SH3RF1: variants seen among roughly 807,000 people sequenced by gnomAD.
SH3RF1 encodes the protein SH3 domain containing ring finger 1, also known as E3 ubiquitin-protein ligase SH3RF1.
A neutral mutation model predicts 74.0 loss-of-function variants in SH3RF1; 32 were observed. That is an observed-to-expected ratio of 0.43 (90% CI 0.33 to 0.58). The LOEUF is 0.58. Among genes scored for constraint, SH3RF1 ranks in the 20% least tolerant of loss-of-function variants. The pLI is 0.05. For missense variants in SH3RF1, 954 were observed against 1,130.9 expected, an observed-to-expected ratio of 0.84 and a Z score of 2.24; for synonymous variants, 396 against 439.6, an observed-to-expected ratio of 0.90 and a Z score of 1.24.
At chr4:169,117,921 T>A in intron 8 of SH3RF1, 139 bp from the exon 9 acceptor site, 1 of 1,153,000 alleles carries the variant, frequency 8.7e-7, no homozygotes, top group Non-Finnish European at 1.2e-6. Flanking sequence ...TTATAAAGTT[T>A]AAGAATAGAA....
intron 4 of SH3RF1, among the ~76,000 whole-genome samples, chr4:169,138,224 T>A (rs146367077): frequency 4.3e-4 from 65 of 152,296 alleles, no homozygotes; most frequent in African/African-American, 1.5e-3. Context: ...AAAGTAATGC[T>A]TTATATTATA....
chr4:169,131,809 G>A (rs912975679), intron 5 of SH3RF1, among the ~76,000 whole-genome samples: 7 of 152,188 alleles, frequency 4.6e-5, no homozygotes, highest in Admixed American at 1.3e-4. Context: ...CCTCTGATTG[G>A]TTGCTGTCCT....
At chr4:169,223,447 G>A (rs1730601380) in intron 2 of SH3RF1, among the ~76,000 whole-genome samples, 2 of 152,150 alleles carry the variant, frequency 1.3e-5, no homozygotes, top group Admixed American at 1.3e-4. Flanking sequence ...GTACACTATG[G>A]ATAGTTAAGA....
At chr4:169,250,510 T>A (rs1340778956) in intron 2 of SH3RF1, among the ~76,000 whole-genome samples, 2 of 152,218 alleles carry the variant, frequency 1.3e-5, no homozygotes, top group African/African-American at 4.8e-5. Context: ...CAACATGAGG[T>A]GTGCTCAGTA....
In SH3RF1 at chr4:169,189,359, T is replaced by C. The variant is rs140617109; in HGVS notation, c.394-32680A>G. On this transcript the variant is annotated intron_variant, in intron 2 of 11. Coordinates refer to ENST00000284637, the MANE Select transcript of SH3RF1 (RefSeq NM_020870.4). ...TTTAAAAAATATCTGGTATTCTATTTTGACCAGTCCCACATGGGGCCAAGA... is the reference window on the plus strand; with the variant it reads ...TTTAAAAAATATCTGGTATTCTATTCTGACCAGTCCCACATGGGGCCAAGA... Among the ~76,000 whole-genome samples the C allele has an allele frequency of 4.3e-4, 66 of 152,386 alleles. 1 individual carries two copies. Among genetic ancestry groups the C allele is most frequent in the Non-Finnish European group, 4.8e-4 (33 of 68,046 alleles).
At chr4:169,102,543 A>C (rs1733057931) in intron 11 of SH3RF1, among the ~76,000 whole-genome samples, 2 of 151,978 alleles carry the variant, frequency 1.3e-5, no homozygotes, top group East Asian at 3.9e-4. Flanking sequence ...TTGGAAGAAA[A>C]ACCTGTCATA....
intron 2 of SH3RF1, among the ~76,000 whole-genome samples, chr4:169,224,449 C>A (rs1440750480): frequency 6.6e-6 from 1 of 152,094 alleles, no homozygotes; most frequent in Non-Finnish European, 1.5e-5. Flanking sequence ...TCCCAAGTAG[C>A]TGGGATTACA....
chr4:169,156,794 T>C (rs1734065070), intron 2 of SH3RF1, 115 bp from the exon 3 acceptor site: 3 of 926,886 alleles, frequency 3.2e-6, no homozygotes, highest in South Asian at 1.8e-5. Context: ...ACTGTAACCC[T>C]TGAAGAAAAT....
chr4:169,231,258 T>C (rs1220259661), intron 2 of SH3RF1, among the ~76,000 whole-genome samples: 1 of 152,194 alleles, frequency 6.6e-6, no homozygotes, highest in East Asian at 1.9e-4. Flanking sequence ...TATCCCAAAT[T>C]TGTTACTCAT....
chr4:169,148,351 T>G (rs1733925692), intron 4 of SH3RF1, among the ~76,000 whole-genome samples: 1 of 152,184 alleles, frequency 6.6e-6, no homozygotes, highest in Admixed American at 6.5e-5. Flanking sequence ...ATAATTAAAT[T>G]ATAGGTTAGC....
intron 2 of SH3RF1, among the ~76,000 whole-genome samples, chr4:169,194,590 T>C (rs1000353966): frequency 6.6e-6 from 1 of 152,244 alleles, no homozygotes; most frequent in African/African-American, 2.4e-5. Flanking sequence ...ACTATACAAA[T>C]ATAAAACATT....
At chr4:169,164,128 T>C (rs1025191668) in intron 2 of SH3RF1, among the ~76,000 whole-genome samples, 3 of 152,194 alleles carry the variant, frequency 2.0e-5, no homozygotes, top group African/African-American at 7.2e-5. Context: ...AATACTGTTA[T>C]CATGGCCCTT....
intron 3 of SH3RF1, 37 bp downstream of exon 3, chr4:169,156,367 A>G (rs55728970): frequency 8.5e-6 from 13 of 1,523,518 alleles, no homozygotes; most frequent in Non-Finnish European, 1.1e-5. Flanking sequence ...ACAGAGGTAG[A>G]GCTGGCAAAC....
At chr4:169,265,481 A>AT (rs1215699383) in intron 2 of SH3RF1, among the ~76,000 whole-genome samples, 3 of 150,348 alleles carry the variant, frequency 2.0e-5, no homozygotes, top group Non-Finnish European at 4.5e-5. Flanking sequence ...ACTTAAAAGA[A>AT]TTTTTTTTTG....
At position 169,223,893 on chromosome 4, in the gene SH3RF1, C is replaced by G. The variant is rs569708206; in HGVS notation, c.393+44927G>C. On this transcript the variant is annotated intron_variant, in intron 2 of 11. Transcript: ENST00000284637. ...CACAGGCAAAAACCCTGGGGCAGAA[C>G]AGTTGGGCATATTTAAGAACAGCTA... 2.0e-5 allele frequency among the ~76,000 whole-genome samples: 3 copies of G among 152,266 alleles called. No individual in the cohort carries two copies. The South Asian group carries it at 6.2e-4, about 32-fold the overall frequency.
chr4:169,257,641 T>C (rs116348375), intron 2 of SH3RF1, among the ~76,000 whole-genome samples: 2,231 of 152,216 alleles, frequency 0.015, 52 homozygotes, highest in African/African-American at 0.051. Flanking sequence ...AAAAGAAATA[T>C]GGTTAGGTAA....
At chr4:169,123,505 T>C (rs1223408094) in intron 6 of SH3RF1, among the ~76,000 whole-genome samples, 1 of 152,198 alleles carries the variant, frequency 6.6e-6, no homozygotes, top group Non-Finnish European at 1.5e-5. Context: ...ACTTACAAAG[T>C]GCAAACCAGG....
At chr4:169,224,633 T>C (rs1274210394) in intron 2 of SH3RF1, among the ~76,000 whole-genome samples, 5 of 152,206 alleles carry the variant, frequency 3.3e-5, no homozygotes, top group African/African-American at 1.2e-4. Context: ...TTTCTATCTT[T>C]AAAAAATGTC....
At chr4:169,159,206 A>C (rs982227270) in intron 2 of SH3RF1, among the ~76,000 whole-genome samples, 6 of 152,138 alleles carry the variant, frequency 3.9e-5, no homozygotes, top group Non-Finnish European at 8.8e-5. Flanking sequence ...TGGTCACATT[A>C]CATTAGTGTC....
Sources: allele counts gnomAD v4.1 joint callset (sites outside exome capture counted in the v4.1 genomes callset), GRCh38; gene constraint gnomAD v4.1.1; transcripts MANE v1.5; gene names NCBI Gene and HGNC (gene_info 2026-07-23, HGNC 2026-07-21).